PCDHGB2: variants seen among roughly 807,000 people sequenced by gnomAD.
PCDHGB2 encodes protocadherin gamma-B2.
Under a neutral mutation model 59.3 loss-of-function variants are expected in PCDHGB2, and 55 were observed. That is an observed-to-expected ratio of 0.93 (90% CI 0.75 to 1.16). The LOEUF (loss-of-function observed/expected upper bound fraction) is 1.16. Ranked by LOEUF, PCDHGB2 falls within the 50% of genes most tolerant of loss-of-function variation. PCDHGB2 has a pLI of 0.00. For missense variants in PCDHGB2, 1,228 were observed against 1,198.5 expected (o/e 1.02, Z -0.36); for synonymous variants, 516 against 512.0 (o/e 1.01, Z -0.11).
At chr5:141,495,102 C>A (rs1344771035) in intron 2 of PCDHGB2, among the ~76,000 whole-genome samples, 3 of 152,160 alleles carry the variant, frequency 2.0e-5, no homozygotes, top group Non-Finnish European at 4.4e-5. Flanking sequence ...CTCGCCACGA[C>A]CGGCACCTTT....
In PCDHGB2 at chr5:141,489,906, C is replaced by T. The variant is rs550717535; in HGVS notation, c.2422-4901C>T. On this transcript the variant is annotated intron_variant, in intron 1 of 3. Transcript: ENST00000522605. The surrounding 1 kb of genome is among the most constrained non-coding windows in gnomAD (Gnocchi z 4.5). ...CTGTGGATGGGGGGACCCCAGCCCG[C>T]TCAGGGACCACCCTTATCTCTGTCA... 4.5e-5 allele frequency: 72 copies of T among 1,614,234 alleles called. No individual in the cohort carries two copies. In the African/African-American group the frequency reaches 5.6e-4, roughly 13 times the overall value.
intron 1 of PCDHGB2, among the ~76,000 whole-genome samples, chr5:141,369,705 A>G (rs1766444941): frequency 6.6e-6 from 1 of 152,376 alleles, no homozygotes; most frequent in East Asian, 1.9e-4. Flanking sequence ...AAGCTATGAC[A>G]TTATAACTTT....
chr5:141,410,090 C>A (rs369832481), intron 1 of PCDHGB2: 51 of 1,612,358 alleles, frequency 3.2e-5, no homozygotes, highest in Middle Eastern at 1.7e-4. Context: ...GCGCACGGCT[C>A]GAGCCTTAGG....
intron 1 of PCDHGB2, chr5:141,371,744 C>G (rs759273098): frequency 1.4e-5 from 23 of 1,613,922 alleles, no homozygotes; most frequent in East Asian, 8.9e-5. Flanking sequence ...ACAACGTTCC[C>G]GTTTTCCACC....
chr5:141,402,908 G>C (rs772824235), intron 1 of PCDHGB2: 1 of 1,545,226 alleles, frequency 6.5e-7, no homozygotes, highest in African/African-American at 1.4e-5. Flanking sequence ...TGATGAAGCA[G>C]CGCGCACAGA....
chr5:141,422,699 C>G (rs765368737), intron 1 of PCDHGB2: 2 of 1,603,420 alleles, frequency 1.2e-6, no homozygotes, highest in South Asian at 1.1e-5. Context: ...GTCACTTACT[C>G]TCTGACGGAT....
At chr5:141,365,940 G>A (rs1433915160) in intron 1 of PCDHGB2, 1 of 1,614,248 alleles carries the variant, frequency 6.2e-7, no homozygotes, top group East Asian at 2.2e-5. Flanking sequence ...GCCAGCGACA[G>A]TGGGAACCCT....
At chr5:141,384,210 C>A in intron 1 of PCDHGB2, 1 of 1,613,886 alleles carries the variant, frequency 6.2e-7, no homozygotes, top group Admixed American at 1.7e-5. Flanking sequence ...GGGAAACTCA[C>A]ATATTCATGC....
chr5:141,414,420 C>G, intron 1 of PCDHGB2: 1 of 1,613,822 alleles, frequency 6.2e-7, no homozygotes, highest in Non-Finnish European at 8.5e-7. Flanking sequence ...GAGCCCTTGA[C>G]AGGGAACAGG....
chr5:141,504,836 C>A (rs550489904), intron 2 of PCDHGB2, among the ~76,000 whole-genome samples: 2 of 152,200 alleles, frequency 1.3e-5, no homozygotes, highest in East Asian at 3.9e-4. Context: ...TTTTCTCTAG[C>A]TCTGGAACAT....
At chr5:141,364,193 A>G (rs1588593751) in intron 1 of PCDHGB2, 1 of 1,067,164 alleles carries the variant, frequency 9.4e-7, no homozygotes, top group Non-Finnish European at 1.3e-6. Flanking sequence ...TACTAAACAC[A>G]CAGACCAGAC....
intron 1 of PCDHGB2, chr5:141,375,637 C>G (rs1331644453): frequency 1.2e-6 from 2 of 1,614,238 alleles, no homozygotes; most frequent in South Asian, 2.2e-5. Context: ...ACGCCCTGCG[C>G]TCCTTCGACT....
chr5:141,463,364 T>C (rs1166107031), intron 1 of PCDHGB2, among the ~76,000 whole-genome samples: 2 of 150,250 alleles, frequency 1.3e-5, no homozygotes, highest in Admixed American at 6.6e-5. Context: ...TCCCCTTTCC[T>C]GCCCCACAGT....
intron 1 of PCDHGB2, chr5:141,478,885 A>G (rs2099483148): frequency 8.4e-7 from 1 of 1,193,320 alleles, no homozygotes; most frequent in East Asian, 2.6e-5. Flanking sequence ...GCTTGGTATC[A>G]TTTACATTAG....
In PCDHGB2 at chr5:141,361,092, C is replaced by G. The variant is rs377144808; in HGVS notation, c.957C>G (p.Ile319Met). The G allele has an allele frequency of 5.0e-5, 81 of 1,613,938 alleles. 2 individuals carry two copies. In the African/African-American group the frequency reaches 7.2e-4, roughly 14 times the overall value. The change falls in exon 1 of 4, where the codon ATC becomes ATG. Residue 319 changes from isoleucine (I) to methionine (M), a missense_variant. Physicochemically the swap from Ile to Met is conservative, Grantham distance 10. Around this residue, in one of 3 missense-constraint regions of PCDHGB2, gnomAD observed 781 missense variants for 721.6 expected, o/e 1.08. Transcript: ENST00000522605. Reference sequence around the variant, plus strand: ...TTGCAAGTAGTTACACTCTGAGTATCGAAGCAAAAGATCCTGGAGATCTAG... The same window carrying G: ...TTGCAAGTAGTTACACTCTGAGTATGGAAGCAAAAGATCCTGGAGATCTAG... ...FEIASSYTLS[I>M]EAKDPGDLAA...
At chr5:141,420,420 CAA>C (rs1462714732) in intron 1 of PCDHGB2, 2 of 1,201,950 alleles carry the variant, frequency 1.7e-6, no homozygotes, top group African/African-American at 3.2e-5. Context: ...ATTATTAAAA[CAA>C]AAGTTTAAAT....
chr5:141,393,071 C>G (rs927273885), intron 1 of PCDHGB2: 1 of 1,613,680 alleles, frequency 6.2e-7, no homozygotes, highest in Non-Finnish European at 8.5e-7. Context: ...GCTTGATCAC[C>G]GCGGGCAGGA....
At chr5:141,384,265 T>G in intron 1 of PCDHGB2, 1 of 1,613,814 alleles carries the variant, frequency 6.2e-7, no homozygotes, top group Non-Finnish European at 8.5e-7. Context: ...CCCCCACTCA[T>G]CCTACTCAGT....
intron 1 of PCDHGB2, among the ~76,000 whole-genome samples, chr5:141,460,447 A>G (rs1202218653): frequency 6.6e-6 from 1 of 152,170 alleles, no homozygotes; most frequent in Non-Finnish European, 1.5e-5. Context: ...GTAACAATGA[A>G]GATTCATATT....
Sources: gnomAD v4.1 joint callset for allele counts (sites outside exome capture counted in the v4.1 genomes callset) on GRCh38, gnomAD v4.1.1 for gene constraint, gnomAD v4.1.1 regional missense constraint, Gnocchi (gnomAD v3.1) non-coding constraint, MANE v1.5 for transcripts, NCBI Gene and HGNC (gene_info 2026-07-23, HGNC 2026-07-21) for gene names.